The following HERC2 variants were observed in gnomAD, a reference collection of about 807,000 sequenced individuals.
The protein encoded by HERC2 is HECT and RLD domain containing E3 ubiquitin protein ligase 2.
HERC2 carries 102 observed loss-of-function variants against 537.7 expected under a neutral mutation model. The ratio of observed to expected loss-of-function variants is 0.19; its 90% CI spans 0.16 to 0.22. The LOEUF (loss-of-function observed/expected upper bound fraction) is 0.22, where lower values mean the gene tolerates loss of function less well. Ranked by LOEUF, HERC2 falls within the 10% of genes least tolerant of loss-of-function variation. HERC2 has a pLI of 1.00. For missense variants in HERC2, 4,236 were observed against 6,198.2 expected, an observed-to-expected ratio of 0.68 and a Z score of 10.63; for synonymous variants, 2,224 against 2,466.2, an observed-to-expected ratio of 0.90 and a Z score of 2.91.
intron 4 of HERC2, among the ~76,000 whole-genome samples, chr15:28,283,391 G>T (rs1404257416): frequency 1.3e-5 from 2 of 152,178 alleles, no homozygotes; most frequent in Non-Finnish European, 2.9e-5. Context: ...GAGCCCAGCT[G>T]AAAGTACAAA....
intron 5 of HERC2, among the ~76,000 whole-genome samples, chr15:28,277,191 C>T (rs897160726): frequency 2.0e-5 from 3 of 152,178 alleles, no homozygotes; most frequent in Non-Finnish European, 4.4e-5. Flanking sequence ...GGAGAGAAGA[C>T]GTGAATGTGG....
chr15:28,312,450 T>A (rs1347446059), intron 2 of HERC2, among the ~76,000 whole-genome samples: 6 of 152,254 alleles, frequency 3.9e-5, no homozygotes, highest in Admixed American at 2.6e-4. Flanking sequence ...CTGGGCAACA[T>A]GGTAAGACCG....
At chr15:28,172,439 G>T (rs981823615) in intron 65 of HERC2, among the ~76,000 whole-genome samples, 9 of 152,138 alleles carry the variant, frequency 5.9e-5, no homozygotes, top group African/African-American at 2.2e-4. Context: ...ATAAATCAAT[G>T]AAACAGTACT....
chr15:28,211,632 G>A (rs948475549), intron 43 of HERC2, among the ~76,000 whole-genome samples: 61 of 152,162 alleles, frequency 4.0e-4, no homozygotes, highest in African/African-American at 1.4e-3. Flanking sequence ...GGCCGCAGGT[G>A]CCGCTCGGAC....
chr15:28,271,794 T>C (rs546935582), intron 9 of HERC2, among the ~76,000 whole-genome samples: 1 of 152,334 alleles, frequency 6.6e-6, no homozygotes, highest in African/African-American at 2.4e-5. Context: ...CCAGCAGTCC[T>C]GGAGGTTTAG....
chr15:28,171,641 TA>T lies in HERC2; in HGVS notation c.10058-1987del, dbSNP rs369283808. Among the ~76,000 whole-genome samples, 718 of 147,840 alleles carry T rather than the reference TA, an allele frequency of 4.9e-3. 4 individuals carry two copies. Among genetic ancestry groups the T allele is most frequent in the African/African-American group, 0.017 (669 of 40,396 alleles). On this transcript the variant is annotated intron_variant, in intron 65 of 92. Transcript: ENST00000261609. ...ATGACAAGATGAAGCTCACTTTTTT[TA>T]AAAAAAAAAGCAATTGTACTTATTT...
At chr15:28,283,834 C>T (rs1002485289) in intron 4 of HERC2, among the ~76,000 whole-genome samples, 10 of 152,116 alleles carry the variant, frequency 6.6e-5, no homozygotes, top group Non-Finnish European at 1.5e-5. Context: ...AATGACAACA[C>T]CAGGTACAAT....
chr15:28,215,888 TTTTA>T, intron 38 of HERC2, 86 bp from the exon 39 acceptor site: 1 of 969,458 alleles, frequency 1.0e-6, no homozygotes, highest in East Asian at 2.8e-5. Flanking sequence ...TATCAACTTA[TTTTA>T]TTTTTCTAAA....
chr15:28,159,321 C>T (rs937305866), intron 69 of HERC2, among the ~76,000 whole-genome samples: 23 of 152,346 alleles, frequency 1.5e-4, no homozygotes, highest in Admixed American at 3.3e-4. Context: ...GGATAATATC[C>T]TGCAGAGTGT....
intron 2 of HERC2, among the ~76,000 whole-genome samples, chr15:28,317,115 G>A (rs1335266140): frequency 6.6e-6 from 1 of 151,260 alleles, no homozygotes; most frequent in African/African-American, 2.4e-5. Context: ...TTTTGAGATG[G>A]AGTCTTGCTG....
chr15:28,265,595 A>G lies in HERC2; in HGVS notation c.1870+23T>C, dbSNP rs201359352. 7.1e-4 allele frequency: 1,128 copies of G among 1,596,768 alleles called. 3 individuals carry two copies. The highest frequency in any genetic ancestry group is 8.6e-4 in the Non-Finnish European group (1,002 of 1,165,258). On this transcript the variant is annotated intron_variant, in intron 14 of 92. Transcript: ENST00000261609. This position sits in a 1 kb window ranked among gnomAD's most constrained non-coding sequence, Gnocchi z 4.0. ...CATGCGTGTCCTCGTGGGCCTGTCC[A>G]GGGTGGCGAGAGCTCTACGTACCGT...
intron 4 of HERC2, among the ~76,000 whole-genome samples, chr15:28,291,392 A>T (rs1407723011): frequency 6.6e-6 from 1 of 152,146 alleles, no homozygotes; most frequent in Non-Finnish European, 1.5e-5. Flanking sequence ...GGCAGGCGTC[A>T]CAAATTATTT....
intron 68 of HERC2, among the ~76,000 whole-genome samples, chr15:28,166,411 T>C (rs546840390): frequency 8.5e-5 from 13 of 152,348 alleles, no homozygotes; most frequent in African/African-American, 3.1e-4. Flanking sequence ...TTTTATTATA[T>C]AGATAAATGC....
chr15:28,306,881 C>G (rs113245635), intron 2 of HERC2, among the ~76,000 whole-genome samples: 5 of 152,322 alleles, frequency 3.3e-5, no homozygotes, highest in Admixed American at 6.5e-5. Flanking sequence ...GTCACCCAGG[C>G]TGGAGTGCAG....
At position 28,248,658 on chromosome 15, in the gene HERC2, G is replaced by C. The variant is rs764415728; in HGVS notation, c.3129C>G (p.His1043Gln). 1.9e-5 allele frequency: 30 copies of C among 1,613,542 alleles called. No individual in the cohort carries two copies. Among genetic ancestry groups the C allele is most frequent in the Non-Finnish European group, 2.5e-5 (30 of 1,179,554 alleles). Residue 1043 changes from histidine (H) to glutamine (Q), a missense_variant, in exon 21 of 93, where the codon CAC becomes CAG. This residue lies in a region of HERC2 where 754 missense variants were observed against 1,085.0 expected (regional missense o/e 0.69). Coordinates refer to ENST00000261609, the MANE Select transcript of HERC2 (RefSeq NM_004667.6). ...CCAATGAAGCAGATCTTTCACGACT[G>C]TGTTGCTCAAAGTCCAGACATGATG... Reference protein sequence around the residue: ...RISSCLDFEQHSRERSASLDL... With the variant: ...RISSCLDFEQQSRERSASLDL...
chr15:28,287,740 G>GTT (rs1461307820), intron 4 of HERC2, among the ~76,000 whole-genome samples: 4 of 141,044 alleles, frequency 2.8e-5, no homozygotes, highest in African/African-American at 5.4e-5. Context: ...TTTTTTTTTG[G>GTT]TTTGAGATGG....
intron 78 of HERC2, among the ~76,000 whole-genome samples, chr15:28,138,989 T>C (rs1890922975): frequency 6.6e-6 from 1 of 152,200 alleles, no homozygotes; most frequent in Admixed American, 6.5e-5. Flanking sequence ...GTGGAAGAAG[T>C]GACCTCAGAT....
chr15:28,273,228 T>C, intron 7 of HERC2: 1 of 588,270 alleles, frequency 1.7e-6, no homozygotes. Context: ...TCAGATACTA[T>C]ATTACAGTAG....
chr15:28,256,699 A>T (rs1215663036), intron 17 of HERC2, among the ~76,000 whole-genome samples: 2 of 152,092 alleles, frequency 1.3e-5, no homozygotes, highest in East Asian at 3.9e-4. Context: ...AGTTCATGCC[A>T]TTTTCCTGAC....
Sources: gnomAD v4.1 joint callset for allele counts (sites outside exome capture counted in the v4.1 genomes callset) on GRCh38, gnomAD v4.1.1 for gene constraint, gnomAD v4.1.1 regional missense constraint, Gnocchi (gnomAD v3.1) non-coding constraint, MANE v1.5 for transcripts, NCBI Gene and HGNC (gene_info 2026-07-23, HGNC 2026-07-21) for gene names.